PTBP2: variants seen among roughly 807,000 people sequenced by gnomAD.
PTBP2 encodes the protein polypyrimidine tract binding protein 2, also known as polypyrimidine tract-binding protein 2.
In PTBP2, 13 loss-of-function variants were observed where a neutral mutation model predicts 61.4. The ratio of observed to expected loss-of-function variants is 0.21; its 90% CI spans 0.14 to 0.34. The LOEUF (loss-of-function observed/expected upper bound fraction) is 0.34. Ranked by LOEUF, PTBP2 falls within the 10% of genes least tolerant of loss-of-function variation. PTBP2 has a pLI of 1.00. For synonymous variants in PTBP2, 215 were observed against 218.5 expected (o/e 0.98, Z 0.14); for missense variants, 405 against 642.6 (o/e 0.63, Z 4.00).
chr1:96,791,584 G>A (rs551514585), intron 8 of PTBP2, among the ~76,000 whole-genome samples: 1 of 152,196 alleles, frequency 6.6e-6, no homozygotes, highest in African/African-American at 2.4e-5. Context: ...AAACCCCAGA[G>A]GAGAGGGGTT....
chr1:96,746,735 G>A (rs1232375015), intron 2 of PTBP2, among the ~76,000 whole-genome samples: 1 of 149,626 alleles, frequency 6.7e-6, no homozygotes, highest in Admixed American at 6.7e-5. Flanking sequence ...GTGTTTTACA[G>A]TTACTGATTG....
chr1:96,756,836 T>C (rs1429585884), intron 3 of PTBP2, among the ~76,000 whole-genome samples: 1 of 152,232 alleles, frequency 6.6e-6, no homozygotes, highest in Admixed American at 6.5e-5. Context: ...GAAAATATTC[T>C]GCATGATACT....
intron 2 of PTBP2, chr1:96,749,598 G>A (rs979004265): frequency 2.2e-5 from 10 of 453,394 alleles, no homozygotes; most frequent in Non-Finnish European, 4.0e-5. Flanking sequence ...TGTGGGAGGG[G>A]CAAACTTTGA....
At chr1:96,780,666 C>G (rs1658554150) in intron 7 of PTBP2, among the ~76,000 whole-genome samples, 1 of 151,278 alleles carries the variant, frequency 6.6e-6, no homozygotes, top group African/African-American at 2.4e-5. Context: ...TGTAACTCCC[C>G]TTCTACCTGG....
chr1:96,796,255 CCAGCCTGGGCAA>C (rs1274202554), intron 8 of PTBP2, among the ~76,000 whole-genome samples: 1 of 149,834 alleles, frequency 6.7e-6, no homozygotes, highest in Admixed American at 6.7e-5. Flanking sequence ...CATTTTGAGA[CCAGCCTGGGCAA>C]CATATTAAGA....
intron 3 of PTBP2, among the ~76,000 whole-genome samples, chr1:96,769,478 C>T (rs1181398637): frequency 2.6e-5 from 4 of 151,862 alleles, no homozygotes; most frequent in Non-Finnish European, 5.9e-5. Context: ...TGTTAAGAAA[C>T]ATTAACAGCA....
intron 8 of PTBP2, among the ~76,000 whole-genome samples, chr1:96,790,994 C>G (rs898467658): frequency 7.0e-6 from 1 of 143,770 alleles, no homozygotes; most frequent in Non-Finnish European, 1.5e-5. Flanking sequence ...TTATAAATCA[C>G]TTTTCTCGTA....
At chr1:96,746,315 C>T (rs1245955944) in intron 2 of PTBP2, among the ~76,000 whole-genome samples, 4 of 152,004 alleles carry the variant, frequency 2.6e-5, no homozygotes, top group Admixed American at 2.6e-4. Flanking sequence ...TGTTTCAGAT[C>T]CCCACCAGCA....
intron 8 of PTBP2, among the ~76,000 whole-genome samples, chr1:96,787,553 T>C (rs1050552464): frequency 6.6e-6 from 1 of 152,226 alleles, no homozygotes; most frequent in Non-Finnish European, 1.5e-5. Flanking sequence ...CATCTTGTTA[T>C]AACTGGGCTT....
At chr1:96,774,557 C>T (rs1315558583) in intron 5 of PTBP2, among the ~76,000 whole-genome samples, 1 of 152,164 alleles carries the variant, frequency 6.6e-6, no homozygotes, top group Non-Finnish European at 1.5e-5. Context: ...CTTTCACATC[C>T]GTTCATGAAA....
chr1:96,816,524 GAT>G (rs1474721544), downstream of PTBP2: 3 of 152,082 alleles, frequency 2.0e-5, no homozygotes, highest in Non-Finnish European at 4.4e-5. Context: ...TTAAGGAAGA[GAT>G]ATCTACAGTT....
At chr1:96,812,639 T>A in intron 11 of PTBP2, 73 bp from the exon 12 acceptor site, 1 of 1,203,412 alleles carries the variant, frequency 8.3e-7, no homozygotes, top group Non-Finnish European at 1.2e-6. Flanking sequence ...ATTTTTAAAC[T>A]GTTACGTTAA....
At position 96,806,330 on chromosome 1, in the gene PTBP2, C is replaced by G. The variant is rs929581039; in HGVS notation, c.1045-89C>G. 4 of 1,101,690 alleles carry G rather than the reference C, an allele frequency of 3.6e-6. No individual in the cohort carries two copies. The African/African-American group carries it at 4.6e-5, about 13-fold the overall frequency. 68.2% of individuals were successfully genotyped at this position (1,101,690 alleles called of 1,614,324 possible). ...ACCTCACCATTCTGCGGGAACCACCCTTCGTTATGGATGATCTGTTCATCT... is the reference window on the plus strand; with the variant it reads ...ACCTCACCATTCTGCGGGAACCACCGTTCGTTATGGATGATCTGTTCATCT... On this transcript the variant is annotated intron_variant, in intron 9 of 13. Transcript: ENST00000674951.
chr1:96,743,602 CTGTT>C (rs1005014006), intron 2 of PTBP2, among the ~76,000 whole-genome samples: 65 of 152,204 alleles, frequency 4.3e-4, no homozygotes, highest in African/African-American at 1.3e-3. Context: ...TATCCATCAA[CTGTT>C]TGGTCATACG....
rs137985931 is a variant in PTBP2, at chr1:96,812,752, T to G, written c.1212T>G (p.Ile404Met). The G allele has an allele frequency of 1.2e-6, 2 of 1,607,970 alleles. No individual in the cohort carries two copies. Among genetic ancestry groups the G allele is most frequent in the Non-Finnish European group, 1.7e-6 (2 of 1,174,784 alleles). The stretch of plus-strand genomic sequence containing the variant: ...ATGGACAGAAAATGTATGGAAAAAT[T>G]ATTCGTGTTACTCTGTCTAAACATC... ...HLNGQKMYGK[I>M]IRVTLSKHQT... The change falls in exon 12 of 14, where the codon ATT (isoleucine) becomes ATG (methionine). Residue 404 changes from isoleucine to methionine, a missense_variant. Coordinates refer to ENST00000674951, the MANE Select transcript of PTBP2 (RefSeq NM_021190.4).
intron 2 of PTBP2, 53 bp downstream of exon 2, chr1:96,723,647 A>C: frequency 1.3e-6 from 2 of 1,481,512 alleles, no homozygotes; most frequent in Non-Finnish European, 1.8e-6. Flanking sequence ...TATCATAATT[A>C]CTGGAAAATT....
At chr1:96,751,328 C>T (rs1490843606) in intron 2 of PTBP2, 97 bp from the exon 3 acceptor site, 1 of 952,626 alleles carries the variant, frequency 1.0e-6, no homozygotes, top group Non-Finnish European at 1.7e-6. Context: ...TTTAACTATT[C>T]CCAATAGTGT....
intron 2 of PTBP2, among the ~76,000 whole-genome samples, chr1:96,745,226 C>T (rs772932550): frequency 3.3e-5 from 5 of 151,242 alleles, no homozygotes; most frequent in African/African-American, 7.3e-5. Context: ...GCAGTGGTGT[C>T]ATCTCGGCTC....
chr1:96,745,101 T>C (rs905709295), intron 2 of PTBP2, among the ~76,000 whole-genome samples: 37 of 152,140 alleles, frequency 2.4e-4, no homozygotes, highest in African/African-American at 8.7e-4. Flanking sequence ...ATGAACATCA[T>C]GAACCTGTCA....
Sources: gnomAD v4.1 joint callset for allele counts (sites outside exome capture counted in the v4.1 genomes callset) on GRCh38, gnomAD v4.1.1 for gene constraint, MANE v1.5 for transcripts, NCBI Gene and HGNC (gene_info 2026-07-23, HGNC 2026-07-21) for gene names.